The following ZNF567 variants were observed in gnomAD, a reference collection of about 807,000 sequenced individuals.
ZNF567 encodes zinc finger protein 567.
In ZNF567, 36 loss-of-function variants were observed where a neutral mutation model predicts 53.9. That is an observed-to-expected ratio of 0.67 (90% CI 0.51 to 0.88). The LOEUF is 0.88. Ranked by LOEUF, ZNF567 falls within the 40% of genes least tolerant of loss-of-function variation. The pLI, the probability that ZNF567 is intolerant of heterozygous loss-of-function variation, is 0.00. For missense variants in ZNF567, 619 were observed against 764.7 expected (o/e 0.81, Z 2.25); for synonymous variants, 224 against 260.4 (o/e 0.86, Z 1.35).
At chr19:36,723,401 T>C (rs1459885636), downstream of ZNF567, 1 of 600,750 alleles carries the variant, frequency 1.7e-6, no homozygotes, top group Non-Finnish European at 3.0e-6. Context: ...GAAATAGCCA[T>C]GTACTGTTTC....
At chr19:36,695,820 G>GTCT (rs940393762) in intron 3 of ZNF567, among the ~76,000 whole-genome samples, 9 of 152,246 alleles carry the variant, frequency 5.9e-5, no homozygotes, top group Admixed American at 2.0e-4. Context: ...GAATGAACCT[G>GTCT]TCTTGTGTAG....
chr19:36,694,716 A>G, intron 2 of ZNF567, 86 bp from the exon 3 acceptor site: 1 of 663,164 alleles, frequency 1.5e-6, no homozygotes, highest in Middle Eastern at 4.0e-4. Flanking sequence ...TACAAGGGAA[A>G]TGGAGGCAAT....
At position 36,699,775 on chromosome 19, in the gene ZNF567, A is replaced by T. The variant is rs993688469; in HGVS notation, c.9+4899A>T. ...TGTGATTTTTGTACATTGATTTTGT[A>T]TCCTGAGACTTTCCTGAAGTTGCTT... On this transcript the variant is annotated intron_variant, in intron 3 of 5. Coordinates refer to ENST00000682579, the MANE Select transcript of ZNF567 (RefSeq NM_001322917.1). 5.9e-5 allele frequency among the ~76,000 whole-genome samples: 9 copies of T among 151,568 alleles called. No individual in the cohort carries two copies. In the East Asian group the frequency reaches 1.7e-3, roughly 29 times the overall value.
chr19:36,712,311 G>T (rs577034223), intron 3 of ZNF567, 75 bp from the exon 4 acceptor site: 1 of 1,485,328 alleles, frequency 6.7e-7, no homozygotes, highest in Admixed American at 2.2e-5. Context: ...GCCTCCCAAA[G>T]TGCTGGGATT....
chr19:36,722,448 C>T (rs1467001278), downstream of ZNF567, among the ~76,000 whole-genome samples: 1 of 151,994 alleles, frequency 6.6e-6, no homozygotes, highest in East Asian at 1.9e-4. Flanking sequence ...ACTACAGGCA[C>T]GTGCCACCAC....
intron 2 of ZNF567, among the ~76,000 whole-genome samples, chr19:36,693,893 G>T (rs1406534947): frequency 6.6e-6 from 1 of 152,136 alleles, no homozygotes; most frequent in Non-Finnish European, 1.5e-5. Flanking sequence ...ACAGTCAAAT[G>T]AGAAACTATA....
intron 3 of ZNF567, among the ~76,000 whole-genome samples, chr19:36,701,139 T>A (rs2039160903): frequency 6.6e-6 from 1 of 152,210 alleles, no homozygotes; most frequent in Non-Finnish European, 1.5e-5. Context: ...TTCTCGTTGG[T>A]TTCAAAGAAC....
chr19:36,692,149 T>C (rs2038650475), intron 2 of ZNF567, among the ~76,000 whole-genome samples: 1 of 152,162 alleles, frequency 6.6e-6, no homozygotes, highest in Admixed American at 6.5e-5. Flanking sequence ...ATACATGTCT[T>C]TGTTTGTCAT....
In ZNF567 at chr19:36,719,355, G is replaced by T; in HGVS notation, c.631G>T (p.Gly211Ter). ...QKTETPAQSF[G>*]YNDCEKSFLQ... is the part of the protein sequence containing the mutation. ...AACGGAAACTCCAGCACAGTCATTT[G>T]GATATAATGACTGTGAGAAATCATT... Residue 211 changes from glycine (G) to a stop codon, truncating the protein, a stop_gained, in exon 6 of 6, where the codon GGA becomes TGA. Coordinates refer to ENST00000682579, the MANE Select transcript of ZNF567 (RefSeq NM_001322917.1). LOFTEE classifies it high-confidence loss of function. The T allele has an allele frequency of 6.2e-7, 1 of 1,613,644 alleles. No individual in the cohort carries two copies. The highest frequency in any genetic ancestry group is 8.5e-7 in the Non-Finnish European group (1 of 1,179,856).
intron 5 of ZNF567, 95 bp from the exon 6 acceptor site, chr19:36,718,853 C>T (rs1186038656): frequency 2.0e-6 from 2 of 1,003,496 alleles, no homozygotes; most frequent in East Asian, 2.6e-5. Context: ...TGTTCTGAGT[C>T]TCTTTTTGCG....
downstream of ZNF567, among the ~76,000 whole-genome samples, chr19:36,722,907 A>G (rs1427925894): frequency 6.6e-6 from 1 of 151,118 alleles, no homozygotes; most frequent in African/African-American, 2.5e-5. Context: ...GTCTATAATG[A>G]CTAGACATGT....
At chr19:36,667,637 C>T in the ZNF567 span, among the ~76,000 whole-genome samples, 1 of 149,556 alleles carries the variant, frequency 6.7e-6, no homozygotes, top group Non-Finnish European at 1.5e-5. Flanking sequence ...TCATATATTT[C>T]ACTCAACTTT....
At chr19:36,715,571 C>A in intron 5 of ZNF567, among the ~76,000 whole-genome samples, 1 of 145,830 alleles carries the variant, frequency 6.9e-6, no homozygotes, top group East Asian at 2.0e-4. Context: ...TTCTTGTTGC[C>A]CAGGCTGGAG....
intron 3 of ZNF567, among the ~76,000 whole-genome samples, chr19:36,700,880 G>A (rs539266409): frequency 2.3e-3 from 344 of 152,084 alleles, no homozygotes; most frequent in Non-Finnish European, 3.8e-3. Context: ...CCAGCTCCTG[G>A]ATTCATTAAT....
At chr19:36,711,052 A>G (rs2145821902) in intron 3 of ZNF567, among the ~76,000 whole-genome samples, 1 of 150,968 alleles carries the variant, frequency 6.6e-6, no homozygotes, top group East Asian at 2.0e-4. Context: ...GAATTAACCT[A>G]AATTTCCAGC....
intron 2 of ZNF567, among the ~76,000 whole-genome samples, chr19:36,694,069 G>A (rs565416451): frequency 3.3e-5 from 5 of 152,170 alleles, no homozygotes; most frequent in African/African-American, 9.6e-5. Context: ...TGTGTCTTTT[G>A]TCCTAGCTAC....
In ZNF567 at chr19:36,699,497, A is replaced by G. The variant is rs369731348; in HGVS notation, c.9+4621A>G. 1.4e-3 allele frequency among the ~76,000 whole-genome samples: 220 copies of G among 152,278 alleles called. 2 individuals carry two copies. In the East Asian group the frequency reaches 0.036, roughly 25 times the overall value. ...GCTTGATGGGGATGGCATTGAATCT[A>G]TAAATTACCTTGGTCAGTATGGCCA... is the stretch of plus-strand genomic sequence containing the variant. On this transcript the variant is annotated intron_variant, in intron 3 of 5. Transcript: ENST00000682579.
At chr19:36,692,926 G>C (rs888801666) in intron 2 of ZNF567, among the ~76,000 whole-genome samples, 7 of 152,114 alleles carry the variant, frequency 4.6e-5, no homozygotes, top group Non-Finnish European at 7.3e-5. Context: ...TTTGGACAAA[G>C]CCATGCAGAA....
At chr19:36,712,355 C>T in intron 3 of ZNF567, 31 bp from the exon 4 acceptor site, 4 of 1,605,112 alleles carry the variant, frequency 2.5e-6, no homozygotes, top group Non-Finnish European at 3.4e-6. Context: ...GCTAAGTCCA[C>T]CTGTTCTGAT....
Sources: gnomAD v4.1 joint callset for allele counts (sites outside exome capture counted in the v4.1 genomes callset) on GRCh38, gnomAD v4.1.1 for gene constraint, MANE v1.5 for transcripts, NCBI Gene and HGNC (gene_info 2026-07-23, HGNC 2026-07-21) for gene names.